GPATCH2: variants seen among roughly 807,000 people sequenced by gnomAD.
GPATCH2 encodes the protein G patch domain-containing protein 2.
In GPATCH2, 51 loss-of-function variants were observed where a neutral mutation model predicts 58.0. That is an observed-to-expected ratio of 0.88 (90% confidence interval 0.70 to 1.11). GPATCH2 has a LOEUF of 1.11. Among genes scored for constraint, GPATCH2 ranks in the 50% most tolerant of loss-of-function variants. GPATCH2 has a pLI of 0.00. For synonymous variants in GPATCH2, 222 were observed against 218.5 expected (o/e 1.02, Z -0.14); for missense variants, 625 against 652.2 (o/e 0.96, Z 0.45).
rs548340410 is a variant in GPATCH2, at chr1:217,565,039, C to T, written c.1098+45282G>A. Reference sequence around the variant, plus strand: ...AGCACAAAAAACAGGAACTGGTGGGCTCCTGTGTTGTCATGAATAGGCTGA... The same window carrying T: ...AGCACAAAAAACAGGAACTGGTGGGTTCCTGTGTTGTCATGAATAGGCTGA... On this transcript the variant is annotated intron_variant, in intron 5 of 9. Transcript: ENST00000366935. Among the ~76,000 whole-genome samples the T allele has an allele frequency of 1.3e-3, 204 of 152,102 alleles. 3 individuals are homozygous for T. The highest frequency in any genetic ancestry group is 1.4e-3 in the Non-Finnish European group (92 of 68,022).
At position 217,476,105 on chromosome 1, in the gene GPATCH2, A is replaced by T. The variant is rs192677095; in HGVS notation, c.1277+15575T>A. On this transcript the variant is annotated intron_variant, in intron 8 of 9. Transcript: ENST00000366935. The stretch of plus-strand genomic sequence containing the variant: ...TAGGCACATAGAACAAAAAGCAAAT[A>T]AGAAACAAAACAATGATAACCAGAA... Among the ~76,000 whole-genome samples, 3 of 152,292 alleles carry T rather than the reference A, an allele frequency of 2.0e-5. No homozygotes were observed. The East Asian group carries it at 5.8e-4, about 29-fold the overall frequency.
chr1:217,446,525 G>C (rs1240440233), intron 9 of GPATCH2, among the ~76,000 whole-genome samples: 2 of 152,008 alleles, frequency 1.3e-5, no homozygotes, highest in African/African-American at 4.8e-5. Flanking sequence ...TAAAACTGAG[G>C]ACTTTAAGAT....
chr1:217,614,576 T>C (rs1668792883), intron 2 of GPATCH2, among the ~76,000 whole-genome samples: 1 of 152,016 alleles, frequency 6.6e-6, no homozygotes, highest in Non-Finnish European at 1.5e-5. Context: ...GGGAAAAGTC[T>C]CAATCAAAAG....
chr1:217,624,448 C>T (rs569473514), intron 1 of GPATCH2, among the ~76,000 whole-genome samples: 1 of 152,300 alleles, frequency 6.6e-6, no homozygotes, highest in African/African-American at 2.4e-5. Context: ...AACCAGGAGG[C>T]GGAGGCTGTA....
intron 6 of GPATCH2, among the ~76,000 whole-genome samples, chr1:217,506,506 A>C (rs1407158735): frequency 3.3e-5 from 5 of 152,202 alleles, no homozygotes; most frequent in Non-Finnish European, 5.9e-5. Context: ...GCTAGGTAAG[A>C]ACAGATCTTG....
intron 1 of GPATCH2, among the ~76,000 whole-genome samples, chr1:217,621,795 A>G (rs1669203123): frequency 6.6e-6 from 1 of 152,200 alleles, no homozygotes; most frequent in Non-Finnish European, 1.5e-5. Flanking sequence ...AACAACACAC[A>G]TTGTGATTCA....
At chr1:217,468,811 G>T (rs1418702160) in intron 8 of GPATCH2, among the ~76,000 whole-genome samples, 1 of 151,948 alleles carries the variant, frequency 6.6e-6, no homozygotes. Context: ...TGGGGATACA[G>T]ATGAAACAGG....
At chr1:217,525,173 C>A (rs553483794) in intron 5 of GPATCH2, among the ~76,000 whole-genome samples, 8 of 151,674 alleles carry the variant, frequency 5.3e-5, no homozygotes, top group Non-Finnish European at 8.8e-5. Flanking sequence ...TCACATGTAA[C>A]AATATTCCAG....
chr1:217,497,631 C>A (rs564211284), intron 7 of GPATCH2, among the ~76,000 whole-genome samples: 1 of 152,204 alleles, frequency 6.6e-6, no homozygotes, highest in East Asian at 1.9e-4. Context: ...TCTCTGCCTA[C>A]CCCTCAGAAG....
chr1:217,516,796 C>T (rs568724104), intron 5 of GPATCH2, among the ~76,000 whole-genome samples: 1 of 152,152 alleles, frequency 6.6e-6, no homozygotes, highest in Non-Finnish European at 1.5e-5. Context: ...AACTTTTTAT[C>T]TCAGAGAAAA....
chr1:217,436,684 C>G (rs1351289626), intron 9 of GPATCH2, among the ~76,000 whole-genome samples: 1 of 152,132 alleles, frequency 6.6e-6, no homozygotes, highest in Admixed American at 6.5e-5. Context: ...AGCCCTTATA[C>G]ATTATAAATG....
rs575634369 is a variant in GPATCH2, at chr1:217,434,763, A to G, written c.1367-3398T>C. On this transcript the variant is annotated intron_variant, in intron 9 of 9. Coordinates refer to ENST00000366935, the MANE Select transcript of GPATCH2 (RefSeq NM_018040.5). ...AGCAAATGATAATTGATTCACTATT[A>G]TAATTGAAAAATGTTGGTATTTCAA... Among the ~76,000 whole-genome samples, 9 of 152,322 alleles carry G rather than the reference A, an allele frequency of 5.9e-5. No individual in the cohort carries two copies. The South Asian group carries it at 1.9e-3, about 32-fold the overall frequency.
At chr1:217,557,628 T>C (rs908794072) in intron 5 of GPATCH2, among the ~76,000 whole-genome samples, 1 of 152,178 alleles carries the variant, frequency 6.6e-6, no homozygotes, top group Non-Finnish European at 1.5e-5. Context: ...TCCAACTTCA[T>C]TTCACCCTAC....
At position 217,553,089 on chromosome 1, in the gene GPATCH2, C is replaced by T. The variant is rs79848913; in HGVS notation, c.1099-38200G>A. On this transcript the variant is annotated intron_variant, in intron 5 of 9. Transcript: ENST00000366935. Reference sequence around the variant, plus strand: ...AGTTCATTTTTCTTAAGGGGAAACACCAAATCTAGAATGTTAAAAAATAGT... The same window carrying T: ...AGTTCATTTTTCTTAAGGGGAAACATCAAATCTAGAATGTTAAAAAATAGT... 4.5e-3 allele frequency among the ~76,000 whole-genome samples: 680 copies of T among 151,918 alleles called. 10 individuals carry two copies. Among genetic ancestry groups the T allele is most frequent in the African/African-American group, 0.015 (631 of 41,430 alleles).
In GPATCH2 at chr1:217,430,866, T is replaced by C; in HGVS notation, c.*279A>G. On this transcript the variant is annotated 3_prime_UTR_variant, in exon 10 of 10. Transcript: ENST00000366935. ...CAAAGCATCGGAAAGTATTGACACATGAGACTAAAATAAATAAGAGAAACG... is the reference window on the plus strand; with the variant it reads ...CAAAGCATCGGAAAGTATTGACACACGAGACTAAAATAAATAAGAGAAACG... 2.2e-6 allele frequency: 1 copy of C among 461,746 alleles called. No homozygotes were observed. 28.6% of individuals were successfully genotyped at this position (461,746 alleles called of 1,614,324 possible). A position where few individuals can be genotyped will look rare whatever the true frequency, so the allele number is the denominator to read the frequency against.
intron 5 of GPATCH2, among the ~76,000 whole-genome samples, chr1:217,519,266 T>C (rs1350003182): frequency 2.0e-5 from 3 of 152,222 alleles, no homozygotes; most frequent in Non-Finnish European, 2.9e-5. Flanking sequence ...TTTCATTGTG[T>C]ATCTATTCTT....
At chr1:217,431,854 A>C (rs549616919) in intron 9 of GPATCH2, among the ~76,000 whole-genome samples, 1 of 152,256 alleles carries the variant, frequency 6.6e-6, no homozygotes, top group Admixed American at 6.5e-5. Flanking sequence ...AAACCAAACC[A>C]AACAAAAAGC....
intron 8 of GPATCH2, among the ~76,000 whole-genome samples, chr1:217,483,865 C>A (rs1661330379): frequency 6.6e-6 from 1 of 151,862 alleles, no homozygotes; most frequent in Non-Finnish European, 1.5e-5. Context: ...TTTACATATT[C>A]TTGATATAAA....
At chr1:217,621,963 G>A (rs1422306437) in intron 1 of GPATCH2, among the ~76,000 whole-genome samples, 3 of 152,254 alleles carry the variant, frequency 2.0e-5, no homozygotes, top group South Asian at 4.1e-4. Flanking sequence ...CACAAAGGCC[G>A]AAAGATCTCT....
Sources: gnomAD v4.1 joint callset for allele counts (sites outside exome capture counted in the v4.1 genomes callset) on GRCh38, gnomAD v4.1.1 for gene constraint, MANE v1.5 for transcripts, NCBI Gene and HGNC (gene_info 2026-07-23, HGNC 2026-07-21) for gene names.